PPFIBP1: variants seen among roughly 807,000 people sequenced by gnomAD.
PPFIBP1 encodes PPFIB scaffold protein 1, also known as liprin-beta-1.
In PPFIBP1, 112 loss-of-function variants were observed where a neutral mutation model predicts 137.8. The observed-to-expected ratio is 0.81, with a 90% CI of 0.70 to 0.95. PPFIBP1 has a LOEUF of 0.95. Among genes scored for constraint, PPFIBP1 ranks in the 40% least tolerant of loss-of-function variants. The pLI, the probability that PPFIBP1 is intolerant of heterozygous loss-of-function variation, is 0.00. For missense variants in PPFIBP1, 1,083 were observed against 1,196.6 expected (o/e 0.91, Z 1.40); for synonymous variants, 378 against 417.3 (o/e 0.91, Z 1.15).
chr12:27,592,455 T>C lies in PPFIBP1; in HGVS notation c.-36+14216T>C, dbSNP rs2052635778. 5 of 918,808 alleles carry C rather than the reference T, an allele frequency of 5.4e-6. No individual in the cohort carries two copies. In the Admixed American group the frequency reaches 1.3e-4, roughly 25 times the overall value. The allele number at this position is 918,808 out of a possible 1,614,324, so 56.9% of individuals were successfully genotyped here. ...CAACTTTCCAAAAAGTTGAAAAATC[T>C]GTCTATATAGGATGTCCTAATTCAA... is the stretch of plus-strand genomic sequence containing the variant. On this transcript the variant is annotated intron_variant, in intron 2 of 29. Coordinates refer to ENST00000228425, the MANE Select transcript of PPFIBP1 (RefSeq NM_003622.4).
At chr12:27,614,225 ATAAAT>A (rs1343584884) in intron 2 of PPFIBP1, among the ~76,000 whole-genome samples, 1 of 152,118 alleles carries the variant, frequency 6.6e-6, no homozygotes, top group African/African-American at 2.4e-5. Context: ...CAAAAATAAA[ATAAAT>A]TAGCCAAGTG....
At chr12:27,572,563 T>A (rs1046163257) in intron 1 of PPFIBP1, among the ~76,000 whole-genome samples, 3 of 152,234 alleles carry the variant, frequency 2.0e-5, no homozygotes, top group Non-Finnish European at 4.4e-5. Context: ...TAAAAACATG[T>A]GGGCCTGTTT....
At chr12:27,668,468 C>A (rs1222960668) in intron 13 of PPFIBP1, among the ~76,000 whole-genome samples, 2 of 152,206 alleles carry the variant, frequency 1.3e-5, no homozygotes, top group Non-Finnish European at 2.9e-5. Flanking sequence ...GTTGCCAATC[C>A]TCTGGGCTAT....
At chr12:27,552,941 G>C (rs1946925004) in intron 1 of PPFIBP1, among the ~76,000 whole-genome samples, 1 of 152,092 alleles carries the variant, frequency 6.6e-6, no homozygotes, top group South Asian at 2.1e-4. Flanking sequence ...CGGACACCTG[G>C]GGGATGGTGG....
At chr12:27,637,033 T>C (rs1162360414) in intron 4 of PPFIBP1, 1 of 152,242 alleles carries the variant, frequency 6.6e-6, no homozygotes, top group African/African-American at 2.4e-5. Context: ...CAGTGAGGCC[T>C]TGTATCACCA....
chr12:27,596,536 T>G (rs887023366), intron 2 of PPFIBP1, among the ~76,000 whole-genome samples: 1 of 152,158 alleles, frequency 6.6e-6, no homozygotes, highest in Admixed American at 6.6e-5. Context: ...ATTTTTTATT[T>G]TTAGAGACAG....
At chr12:27,536,188 G>C (rs1324044876) in intron 1 of PPFIBP1, among the ~76,000 whole-genome samples, 1 of 152,174 alleles carries the variant, frequency 6.6e-6, no homozygotes, top group Non-Finnish European at 1.5e-5. Flanking sequence ...CCACGCACCA[G>C]GAGTTCACGG....
intron 2 of PPFIBP1, among the ~76,000 whole-genome samples, chr12:27,605,568 TAATA>T: frequency 6.6e-6 from 1 of 152,256 alleles, no homozygotes; most frequent in South Asian, 2.1e-4. Context: ...TTATTTAACT[TAATA>T]TATAAAATAT....
At chr12:27,565,947 A>G (rs1410414220) in intron 1 of PPFIBP1, among the ~76,000 whole-genome samples, 2 of 152,000 alleles carry the variant, frequency 1.3e-5, no homozygotes, top group African/African-American at 4.8e-5. Flanking sequence ...ACCCTTAATT[A>G]TAAGTTATTT....
intron 1 of PPFIBP1, among the ~76,000 whole-genome samples, chr12:27,541,957 G>A (rs1317088874): frequency 6.6e-6 from 1 of 152,078 alleles, no homozygotes; most frequent in Non-Finnish European, 1.5e-5. Context: ...AGGTTTTGGA[G>A]TCAGACATAT....
At chr12:27,566,915 T>C (rs1002696888) in intron 1 of PPFIBP1, among the ~76,000 whole-genome samples, 3 of 152,184 alleles carry the variant, frequency 2.0e-5, no homozygotes, top group African/African-American at 4.8e-5. Context: ...CCTACCCCTG[T>C]TACTAGGATC....
Position 27,688,997 on chromosome 12 carries a change from T to C in PPFIBP1, c.2497-18T>C. On this transcript the variant is annotated intron_variant, in intron 26 of 29. Transcript: ENST00000228425. ...TTGTGGTGACTTTTGACAAGCTTTT[T>C]TTTTTTTCTTTAAACAGGTTCTAGA... 3 of 1,590,848 alleles carry C rather than the reference T, an allele frequency of 1.9e-6. No individual in the cohort carries two copies. The highest frequency in any genetic ancestry group is 2.3e-5 in the South Asian group (2 of 85,928).
At chr12:27,641,073 T>C (rs1318039463) in intron 4 of PPFIBP1, among the ~76,000 whole-genome samples, 2 of 152,334 alleles carry the variant, frequency 1.3e-5, no homozygotes, top group South Asian at 2.1e-4. Flanking sequence ...AAAATAAGTA[T>C]AATGACTGGC....
At chr12:27,667,409 G>A in intron 13 of PPFIBP1, 89 bp downstream of exon 13, 1 of 1,201,622 alleles carries the variant, frequency 8.3e-7, no homozygotes, top group Non-Finnish European at 1.1e-6. Context: ...AAAAACATGG[G>A]TTCCTTTCTC....
intron 4 of PPFIBP1, among the ~76,000 whole-genome samples, chr12:27,642,670 G>A (rs1565923476): frequency 6.6e-6 from 1 of 152,174 alleles, no homozygotes; most frequent in Non-Finnish European, 1.5e-5. Flanking sequence ...GTAGACATGG[G>A]TTATGAAAGA....
At chr12:27,544,212 T>C (rs1945983958) in intron 1 of PPFIBP1, among the ~76,000 whole-genome samples, 1 of 152,058 alleles carries the variant, frequency 6.6e-6, no homozygotes, top group African/African-American at 2.4e-5. Flanking sequence ...AAAGTGGACA[T>C]TTGGAGGCAG....
Position 27,647,646 on chromosome 12 carries a change from T to C in PPFIBP1, c.358-83T>C, listed in dbSNP as rs1035479525. 3.6e-6 allele frequency: 3 copies of C among 842,126 alleles called. No homozygotes were observed. The African/African-American group carries it at 5.2e-5, about 15-fold the overall frequency. The allele number at this position is 842,126 out of a possible 1,614,324, so 52.2% of individuals were successfully genotyped here. Reference sequence around the variant, plus strand: ...CGTATGAATGGTAGGATCATTCCTTTTTTTGTTCCATTTAGAGAAATAACG... The same window carrying C: ...CGTATGAATGGTAGGATCATTCCTTCTTTTGTTCCATTTAGAGAAATAACG... On this transcript the variant is annotated intron_variant, in intron 5 of 29. Transcript: ENST00000228425.
chr12:27,532,487 A>G (rs954009318), intron 1 of PPFIBP1, among the ~76,000 whole-genome samples: 2 of 151,340 alleles, frequency 1.3e-5, no homozygotes, highest in Non-Finnish European at 2.9e-5. Flanking sequence ...AGTATATTAC[A>G]TCTATATTAC....
rs1390457258 is a variant in PPFIBP1, at chr12:27,643,508, AAGCCCTGATAG to A, written c.271-2551_271-2541del. 3.0e-5 allele frequency among the ~76,000 whole-genome samples: 4 copies of A among 134,592 alleles called. 1 individual carries two copies. The highest frequency in any genetic ancestry group is 6.2e-5 in the African/African-American group (2 of 32,518). The allele number at this position is 134,592 out of a possible 152,430, so 88.3% of individuals were successfully genotyped here. A position where few individuals can be genotyped will look rare whatever the true frequency, so the allele number is the denominator to read the frequency against. On this transcript the variant is annotated intron_variant, in intron 4 of 29. Transcript: ENST00000228425. Reference sequence around the variant, plus strand: ...GAATTCAAGGAAGACCTCACAGACCAAGCCCTGATAGAGGTGGACCTTAAGGAATGGGGAAA... The same window carrying A: ...GAATTCAAGGAAGACCTCACAGACCAAGGTGGACCTTAAGGAATGGGGAAA...
Sources: allele counts gnomAD v4.1 joint callset (sites outside exome capture counted in the v4.1 genomes callset), GRCh38; gene constraint gnomAD v4.1.1; transcripts MANE v1.5; gene names NCBI Gene and HGNC (gene_info 2026-07-23, HGNC 2026-07-21).